Variants in UBE3A observed in about 807,000 individuals in gnomAD.
UBE3A encodes the protein ubiquitin-protein ligase E3A.
UBE3A carries 6 observed loss-of-function variants against 83.4 expected under a neutral mutation model. The ratio of observed to expected loss-of-function variants is 0.07; its 90% CI spans 0.04 to 0.14. The LOEUF (loss-of-function observed/expected upper bound fraction) is 0.14. UBE3A is among the 10% of genes least tolerant of loss of function. UBE3A has a pLI of 1.00. For synonymous variants in UBE3A, 337 were observed against 355.4 expected, an observed-to-expected ratio of 0.95 and a Z score of 0.58; for missense variants, 456 against 1,036.1, an observed-to-expected ratio of 0.44 and a Z score of 7.69.
intron 1 of UBE3A, among the ~76,000 whole-genome samples, chr15:25,427,827 G>A (rs555867602): frequency 1.3e-4 from 20 of 150,092 alleles, no homozygotes; most frequent in African/African-American, 4.9e-4. Context: ...GGTGGGTGGG[G>A]TGGGGAGAAT....
chr15:25,409,306 G>C, intron 2 of UBE3A, 99 bp from the exon 3 acceptor site: 2 of 451,338 alleles, frequency 4.4e-6, no homozygotes, highest in Non-Finnish European at 8.0e-6. Flanking sequence ...AGGTGTCAAT[G>C]TAAAATTCAT....
chr15:25,390,628 G>A (rs2084122310), intron 4 of UBE3A, among the ~76,000 whole-genome samples: 1 of 152,100 alleles, frequency 6.6e-6, no homozygotes, highest in Admixed American at 6.5e-5. Flanking sequence ...AGGAGTGGGA[G>A]GGAAGGAAAG....
rs144684368 is a variant in UBE3A, at chr15:25,416,795, A to G, written c.-164-4824T>C. Among the ~76,000 whole-genome samples the G allele has an allele frequency of 5.7e-3, 871 of 152,272 alleles. 7 individuals are homozygous for G. The highest frequency in any genetic ancestry group is 0.02 in the African/African-American group (837 of 41,546). ...AATTTTCAGACCTTGGATAACAGGCAGCAGAGGACTATAATGCATGAAAGG... is the reference window on the plus strand; with the variant it reads ...AATTTTCAGACCTTGGATAACAGGCGGCAGAGGACTATAATGCATGAAAGG... On this transcript the variant is annotated intron_variant, in intron 1 of 12. Coordinates refer to ENST00000648336, the MANE Select transcript of UBE3A (RefSeq NM_130839.5).
chr15:25,413,006 T>C (rs1596327378), intron 1 of UBE3A: 1 of 450,242 alleles, frequency 2.2e-6, no homozygotes. Flanking sequence ...TAACATATAC[T>C]TCACATGACA....
chr15:25,416,884 G>A (rs1887143355), intron 1 of UBE3A, among the ~76,000 whole-genome samples: 2 of 152,076 alleles, frequency 1.3e-5, no homozygotes, highest in Non-Finnish European at 2.9e-5. Flanking sequence ...TTTCCAACCT[G>A]CAGTCAATGG....
intron 2 of UBE3A, among the ~76,000 whole-genome samples, chr15:25,410,021 A>C (rs1401086265): frequency 1.3e-5 from 2 of 152,104 alleles, no homozygotes; most frequent in African/African-American, 2.4e-5. Flanking sequence ...GAGGGATAGC[A>C]TTAGGAAATA....
At chr15:25,408,816 G>GACA (rs1325458207) in intron 3 of UBE3A, 4 of 852,960 alleles carry the variant, frequency 4.7e-6, no homozygotes, top group East Asian at 5.4e-5. Flanking sequence ...TTTCTATAAT[G>GACA]TTTATAGTAA....
chr15:25,390,346 A>G (rs143224622), intron 4 of UBE3A, among the ~76,000 whole-genome samples: 23 of 152,280 alleles, frequency 1.5e-4, no homozygotes, highest in African/African-American at 4.6e-4. Flanking sequence ...CTGCACACCG[A>G]TATCTACAGC....
At position 25,402,648 on chromosome 15, in the gene UBE3A, T is replaced by A. The variant is rs1321308155; in HGVS notation, c.62+2813A>T. 3.3e-5 allele frequency among the ~76,000 whole-genome samples: 5 copies of A among 152,154 alleles called. No individual in the cohort carries two copies. The South Asian group carries it at 1.0e-3, about 32-fold the overall frequency. Reference sequence around the variant, plus strand: ...GAGTTTTACTGGGGCGAGCTCAATGTTAGGGTCTAAGTCTGGTGTACACTT... The same window carrying A: ...GAGTTTTACTGGGGCGAGCTCAATGATAGGGTCTAAGTCTGGTGTACACTT... On this transcript the variant is annotated intron_variant, in intron 4 of 12. Coordinates refer to ENST00000648336, the MANE Select transcript of UBE3A (RefSeq NM_130839.5).
In UBE3A at chr15:25,338,664, G is replaced by C. The variant is rs935775042; in HGVS notation, c.*473C>G. 2.0e-5 allele frequency: 3 copies of C among 152,050 alleles called. No individual in the cohort carries two copies. Among genetic ancestry groups the C allele is most frequent in the African/African-American group, 7.2e-5 (3 of 41,382 alleles). The allele number at this position is 152,050 out of a possible 1,614,324, so 9.4% of individuals were successfully genotyped here. On this transcript the variant is annotated 3_prime_UTR_variant, in exon 13 of 13. Coordinates refer to ENST00000648336, the MANE Select transcript of UBE3A (RefSeq NM_130839.5). ...CAGTTCCTGATTTGAGTTAGATACA[G>C]GGACAAAAAAGTAGCACATACTTGA...
rs60819760 is a variant in UBE3A at position 25,406,688 on chromosome 15, T to TCA, written c.21-1188_21-1187dup. ...ACTCTAACAAGAATCTTAAAATCAG[T>TCA]CACACACACACACACACACACACAC... is the stretch of plus-strand genomic sequence containing the variant. On this transcript the variant is annotated intron_variant, in intron 3 of 12. Transcript: ENST00000648336. Among the ~76,000 whole-genome samples the TCA allele has an allele frequency of 9.8e-3, 1,452 of 148,680 alleles. 17 individuals are homozygous for TCA. Among genetic ancestry groups the TCA allele is most frequent in the African/African-American group, 0.034 (1,387 of 40,546 alleles).
chr15:25,350,398 T>C (rs1000523630), intron 11 of UBE3A, among the ~76,000 whole-genome samples: 1 of 151,904 alleles, frequency 6.6e-6, no homozygotes, highest in African/African-American at 2.4e-5. Flanking sequence ...CATGGAATTT[T>C]CTACTTAATA....
chr15:25,370,539 G>C lies in UBE3A; in HGVS notation c.1608+27C>G. 1.2e-6 allele frequency: 2 copies of C among 1,613,622 alleles called. No homozygotes were observed. Among genetic ancestry groups the C allele is most frequent in the East Asian group, 4.5e-5 (2 of 44,840 alleles). On this transcript the variant is annotated intron_variant, in intron 6 of 12. Coordinates refer to ENST00000648336, the MANE Select transcript of UBE3A (RefSeq NM_130839.5). This position sits in a 1 kb window ranked among gnomAD's most constrained non-coding sequence, Gnocchi z 4.2. Reference sequence around the variant, plus strand: ...CTGTATCATGATATCCCCATTATTAGGTTTTTAATCTAGCAGCCCAACTTA... The same window carrying C: ...CTGTATCATGATATCCCCATTATTACGTTTTTAATCTAGCAGCCCAACTTA...
rs1263201584 is a variant in UBE3A, at chr15:25,414,742, A to G, written c.-164-2771T>C. On this transcript the variant is annotated intron_variant, in intron 1 of 12. Coordinates refer to ENST00000648336, the MANE Select transcript of UBE3A (RefSeq NM_130839.5). ...CCAATTCATCCTTAGAAATTCCCCTACATTTCTACATTCTCACATTATTCC... is the reference window on the plus strand; with the variant it reads ...CCAATTCATCCTTAGAAATTCCCCTGCATTTCTACATTCTCACATTATTCC... 3.3e-5 allele frequency among the ~76,000 whole-genome samples: 5 copies of G among 152,148 alleles called. No homozygotes were observed. The East Asian group carries it at 9.6e-4, about 29-fold the overall frequency.
At chr15:25,395,738 TAG>T (rs1160282666) in intron 4 of UBE3A, among the ~76,000 whole-genome samples, 2 of 152,228 alleles carry the variant, frequency 1.3e-5, no homozygotes, top group Non-Finnish European at 2.9e-5. Flanking sequence ...GAGTTGTCAA[TAG>T]ACAGAGTCCT....
intron 11 of UBE3A, among the ~76,000 whole-genome samples, chr15:25,349,164 T>C (rs969340618): frequency 6.6e-6 from 1 of 152,120 alleles, no homozygotes; most frequent in Non-Finnish European, 1.5e-5. Context: ...GGCAATTCAA[T>C]GGGGAAAGAA....
At chr15:25,390,803 A>G (rs1260529662) in intron 4 of UBE3A, among the ~76,000 whole-genome samples, 2 of 152,138 alleles carry the variant, frequency 1.3e-5, no homozygotes, top group African/African-American at 4.8e-5. Context: ...GTATCAATAT[A>G]GGTTCATCAG....
At chr15:25,426,754 C>T (rs1279315685) in intron 1 of UBE3A, among the ~76,000 whole-genome samples, 1 of 152,116 alleles carries the variant, frequency 6.6e-6, no homozygotes, top group Non-Finnish European at 1.5e-5. Flanking sequence ...GTACTTAACA[C>T]AAACAGTAAA....
rs2152495397 is a variant in UBE3A, at chr15:25,334,256, AATTTT to A, written c.*4876_*4880del. ...TATACAAAATCAATATACAAAAATTAATTTTATTTCTAACACCAGTGATGAATACA... is the reference window on the plus strand; with the variant it reads ...TATACAAAATCAATATACAAAAATTAATTTCTAACACCAGTGATGAATACA... On this transcript the variant is annotated 3_prime_UTR_variant, in exon 13 of 13. Coordinates refer to ENST00000648336, the MANE Select transcript of UBE3A (RefSeq NM_130839.5). The A allele has an allele frequency of 6.6e-6, 1 of 152,294 alleles. No homozygotes were observed. The highest frequency in any genetic ancestry group is 1.9e-4 in the East Asian group (1 of 5,188). The allele number at this position is 152,294 out of a possible 1,614,324, so 9.4% of individuals were successfully genotyped here.
Sources: gnomAD v4.1 joint callset for allele counts (sites outside exome capture counted in the v4.1 genomes callset) on GRCh38, gnomAD v4.1.1 for gene constraint, Gnocchi (gnomAD v3.1) non-coding constraint, MANE v1.5 for transcripts, NCBI Gene and HGNC (gene_info 2026-07-23, HGNC 2026-07-21) for gene names.